Variants in MYO9A observed in about 807,000 individuals in gnomAD.
The protein encoded by MYO9A is unconventional myosin-IXa.
Under a neutral mutation model 293.3 loss-of-function variants are expected in MYO9A, and 103 were observed. The ratio of observed to expected loss-of-function variants is 0.35; its 90% CI spans 0.30 to 0.41. The LOEUF (loss-of-function observed/expected upper bound fraction) is 0.41, where lower values mean the gene tolerates loss of function less well. MYO9A is among the 10% of genes least tolerant of loss of function. MYO9A has a pLI of 1.00. For missense variants in MYO9A, 2,685 were observed against 3,033.0 expected, an observed-to-expected ratio of 0.89 and a Z score of 2.69; for synonymous variants, 1,001 against 1,035.7, an observed-to-expected ratio of 0.97 and a Z score of 0.64.
At chr15:71,901,472 T>A in intron 22 of MYO9A, 132 bp from the exon 23 acceptor site, 1 of 876,230 alleles carries the variant, frequency 1.1e-6, no homozygotes, top group Non-Finnish European at 1.7e-6. Flanking sequence ...GAAGTACTGA[T>A]AAATATTCCT....
chr15:71,868,623 C>CAG (rs1020434844), intron 32 of MYO9A, among the ~76,000 whole-genome samples: 3 of 151,834 alleles, frequency 2.0e-5, no homozygotes, highest in African/African-American at 7.3e-5. Flanking sequence ...CTACCATAGA[C>CAG]AGAGAAGGGT....
At chr15:72,020,505 G>A (rs1403829774) in intron 5 of MYO9A, among the ~76,000 whole-genome samples, 2 of 152,180 alleles carry the variant, frequency 1.3e-5, no homozygotes, top group Non-Finnish European at 2.9e-5. Flanking sequence ...AAAGACGTAT[G>A]TGTATGAGAC....
chr15:71,880,852 C>A (rs2056852054), intron 28 of MYO9A, among the ~76,000 whole-genome samples: 1 of 152,082 alleles, frequency 6.6e-6, no homozygotes, highest in Non-Finnish European at 1.5e-5. Flanking sequence ...TGCAGGACGT[C>A]AAGTTAGATC....
intron 1 of MYO9A, among the ~76,000 whole-genome samples, chr15:72,060,163 GTATT>G (rs529291320): frequency 1.6e-3 from 241 of 152,052 alleles, no homozygotes; most frequent in African/African-American, 5.1e-3. Flanking sequence ...CTCTACTTCT[GTATT>G]TATTTATTTA....
chr15:72,008,438 T>G (rs1223180688), intron 7 of MYO9A, among the ~76,000 whole-genome samples: 7 of 83,072 alleles, frequency 8.4e-5, no homozygotes, highest in African/African-American at 4.5e-4. Context: ...GGTAAATGGG[T>G]GTGTGTGTGT....
chr15:72,051,446 T>C (rs2078560839), intron 1 of MYO9A, among the ~76,000 whole-genome samples: 2 of 152,002 alleles, frequency 1.3e-5, no homozygotes, highest in South Asian at 2.1e-4. Flanking sequence ...TCTTGGGGGA[T>C]GGGAGCAGGC....
intron 39 of MYO9A, among the ~76,000 whole-genome samples, chr15:71,832,200 C>T (rs1446420897): frequency 1.3e-5 from 2 of 152,086 alleles, no homozygotes; most frequent in Admixed American, 1.3e-4. Flanking sequence ...TGCTTGAACT[C>T]GAGAGGCAGA....
At chr15:71,878,266 TAAAG>T (rs763798248) in intron 30 of MYO9A, 35 bp from the exon 31 acceptor site, 121 of 1,404,586 alleles carry the variant, frequency 8.6e-5, no homozygotes, top group Non-Finnish European at 1.1e-4. Flanking sequence ...TATGGTTTTA[TAAAG>T]AAACTCCTTA....
chr15:71,924,452 C>T (rs2058238847), intron 18 of MYO9A, among the ~76,000 whole-genome samples: 1 of 151,986 alleles, frequency 6.6e-6, no homozygotes, highest in Admixed American at 6.5e-5. Flanking sequence ...CCGTGTTAGG[C>T]AGGAGGGTCT....
At chr15:71,921,980 T>A (rs1399362410) in intron 18 of MYO9A, among the ~76,000 whole-genome samples, 1 of 152,136 alleles carries the variant, frequency 6.6e-6, no homozygotes, top group African/African-American at 2.4e-5. Context: ...TTTTCTACTT[T>A]TTTTTTTATT....
chr15:72,018,539 G>GACTCTGGCT (rs1213633951), intron 6 of MYO9A, among the ~76,000 whole-genome samples: 5 of 152,036 alleles, frequency 3.3e-5, no homozygotes, highest in African/African-American at 1.2e-4. Flanking sequence ...TAAGGCTACA[G>GACTCTGGCT]ACTCTGGCTA....
At chr15:71,904,756 C>A (rs752344114) in intron 20 of MYO9A, among the ~76,000 whole-genome samples, 170 bp downstream of exon 20, 71 of 152,224 alleles carry the variant, frequency 4.7e-4, no homozygotes, top group Admixed American at 1.0e-3. Context: ...CAAATAAACA[C>A]CTTACAGGCA....
chr15:72,016,580 C>G (rs1038323211), intron 6 of MYO9A, among the ~76,000 whole-genome samples: 1 of 152,186 alleles, frequency 6.6e-6, no homozygotes, highest in South Asian at 2.1e-4. Flanking sequence ...GTTCTAATAA[C>G]TCACAGGGAA....
At chr15:71,982,222 G>A (rs919773747) in intron 11 of MYO9A, among the ~76,000 whole-genome samples, 7 of 151,720 alleles carry the variant, frequency 4.6e-5, no homozygotes, top group African/African-American at 7.2e-5. Context: ...GGGTTTCACC[G>A]TGTTAGCCAG....
chr15:71,878,740 A>ATT (rs200866619), intron 30 of MYO9A, among the ~76,000 whole-genome samples: 7,254 of 108,300 alleles, frequency 0.067, 601 homozygotes, highest in East Asian at 0.34. Context: ...GAGATCTGGA[A>ATT]TTTTTTTTTT....
intron 9 of MYO9A, among the ~76,000 whole-genome samples, chr15:71,998,611 G>A (rs2076774888): frequency 6.8e-6 from 1 of 146,486 alleles, no homozygotes; most frequent in Admixed American, 6.9e-5. Flanking sequence ...AAGTATTAGG[G>A]TACATGTGCA....
intron 2 of MYO9A, chr15:72,045,113 A>T (rs2078343903): frequency 6.6e-6 from 1 of 152,096 alleles, no homozygotes; most frequent in Non-Finnish European, 1.5e-5. Context: ...TTTTTTTTTA[A>T]ATTGCTGCTC....
chr15:71,846,336 C>A (rs1162848200), intron 39 of MYO9A, among the ~76,000 whole-genome samples: 2 of 152,142 alleles, frequency 1.3e-5, no homozygotes, highest in Non-Finnish European at 2.9e-5. Context: ...TATCACTCCT[C>A]CCAGTCTCAA....
chr15:71,956,650 A>C (rs111897928), intron 14 of MYO9A, among the ~76,000 whole-genome samples: 1 of 150,412 alleles, frequency 6.6e-6, no homozygotes, highest in African/African-American at 2.4e-5. Context: ...CGTCTCAAAA[A>C]ATATATATAT....
Sources: allele counts gnomAD v4.1 joint callset (sites outside exome capture counted in the v4.1 genomes callset), GRCh38; gene constraint gnomAD v4.1.1; transcripts MANE v1.5; gene names NCBI Gene and HGNC (gene_info 2026-07-23, HGNC 2026-07-21).